The following CRISP1 variants were observed in gnomAD, a reference collection of about 807,000 sequenced individuals.
CRISP1 encodes cysteine-rich secretory protein 1.
Under a neutral mutation model 33.1 loss-of-function variants are expected in CRISP1, and 44 were observed. The observed-to-expected ratio is 1.33, with a 90% CI of 1.05 to 1.71. The LOEUF is 1.71. Among genes scored for constraint, CRISP1 ranks in the 40% most tolerant of loss-of-function variants. The pLI is 0.00. For synonymous variants in CRISP1, 103 were observed against 98.7 expected (o/e 1.04, Z -0.26); for missense variants, 390 against 301.2 (o/e 1.29, Z -2.18).
chr6:49,852,130 C>T lies in CRISP1; in HGVS notation c.67-1G>A, dbSNP rs1163196662. ...TAAATTGGTCTCTAGCTGATTTCTT[C>T]TGTTACCAGAAAAATATTAATTAGT... On this transcript the variant is annotated splice_acceptor_variant, in intron 2 of 7. Transcript: ENST00000335847. LOFTEE classifies it high-confidence loss of function. 1.9e-6 allele frequency: 3 copies of T among 1,607,430 alleles called. No homozygotes were observed. Among genetic ancestry groups the T allele is most frequent in the Non-Finnish European group, 2.5e-6 (3 of 1,178,094 alleles).
At chr6:49,842,559 G>A (rs1036283975) in intron 5 of CRISP1, among the ~76,000 whole-genome samples, 11 of 152,176 alleles carry the variant, frequency 7.2e-5, no homozygotes, top group African/African-American at 9.6e-5. Flanking sequence ...AGAAAATGTC[G>A]GAAAATGTCT....
chr6:49,872,956 A>G (rs1771959976), intron 1 of CRISP1, among the ~76,000 whole-genome samples: 1 of 152,154 alleles, frequency 6.6e-6, no homozygotes, highest in East Asian at 1.9e-4. Context: ...TGGTAGCTTG[A>G]TGGGGATGGC....
chr6:49,860,490 A>G (rs1084053), intron 1 of CRISP1, among the ~76,000 whole-genome samples: 151,603 of 152,248 alleles, frequency 1, 75,486 homozygotes, highest in Middle Eastern at 1. Context: ...TAAAAAATGT[A>G]GAACTTAAAC....
chr6:49,859,847 T>C (rs1292068131), intron 1 of CRISP1, among the ~76,000 whole-genome samples: 1 of 152,120 alleles, frequency 6.6e-6, no homozygotes, highest in Non-Finnish European at 1.5e-5. Flanking sequence ...ATGACCCAAC[T>C]GTATTCTGTC....
At position 49,854,237 on chromosome 6, in the gene CRISP1, T is replaced by C. The variant is rs558558857; in HGVS notation, c.67-2108A>G. Among the ~76,000 whole-genome samples, 15 of 152,310 alleles carry C rather than the reference T, an allele frequency of 9.8e-5. 2 individuals carry two copies. The South Asian group carries it at 2.5e-3, about 25-fold the overall frequency. ...TTCTAATCTTTCTAAGGCTCAATTC[T>C]CCAACAGTGTTATTTAGTCCATTCT... On this transcript the variant is annotated intron_variant, in intron 2 of 7. Coordinates refer to ENST00000335847, the MANE Select transcript of CRISP1 (RefSeq NM_001131.3).
intron 1 of CRISP1, among the ~76,000 whole-genome samples, chr6:49,858,485 A>G (rs558014815): frequency 1.3e-5 from 2 of 152,294 alleles, no homozygotes; most frequent in South Asian, 4.1e-4. Context: ...TTTTCACCCA[A>G]TGATGTAGTT....
At chr6:49,857,434 T>C in intron 1 of CRISP1, 32 bp from the exon 2 acceptor site, 1 of 1,577,588 alleles carries the variant, frequency 6.3e-7, no homozygotes, top group Non-Finnish European at 8.7e-7. Flanking sequence ...TTTAGATTAT[T>C]CTCAATTCAT....
chr6:49,835,505 G>A, intron 7 of CRISP1, 62 bp from the exon 8 acceptor site: 6 of 1,530,972 alleles, frequency 3.9e-6, no homozygotes, highest in Non-Finnish European at 5.3e-6. Flanking sequence ...GCTGAGGAAA[G>A]AGACCATCTT....
chr6:49,842,575 A>G (rs1038209072), intron 5 of CRISP1, among the ~76,000 whole-genome samples: 1 of 152,192 alleles, frequency 6.6e-6, no homozygotes, highest in Non-Finnish European at 1.5e-5. Context: ...TGTCTGGAAA[A>G]GCCTTGTGGT....
At chr6:49,870,262 C>T (rs10456628), upstream of CRISP1, among the ~76,000 whole-genome samples, 56 of 151,968 alleles carry the variant, frequency 3.7e-4, no homozygotes, top group Non-Finnish European at 7.2e-4. Flanking sequence ...AGCTAGGATG[C>T]CAACACAAAA....
At chr6:49,876,715 C>G (rs768583880) in intron 1 of CRISP1, among the ~76,000 whole-genome samples, 2 of 151,798 alleles carry the variant, frequency 1.3e-5, no homozygotes, top group Non-Finnish European at 2.9e-5. Flanking sequence ...TAAAGAAGAA[C>G]ACGATTATGT....
intron 7 of CRISP1, 125 bp downstream of exon 7, chr6:49,838,312 A>T: frequency 1.4e-6 from 1 of 716,878 alleles, no homozygotes; most frequent in Non-Finnish European, 2.3e-6. Context: ...AAGCAGAAAT[A>T]ATTTGTACAT....
Position 49,834,304 on chromosome 6 carries a change from C to T in CRISP1, c.*1012G>A, listed in dbSNP as rs1157213163. On this transcript the variant is annotated 3_prime_UTR_variant, in exon 8 of 8. Transcript: ENST00000335847. ...TTATTGAAATGAGTAAAGAAATATA[C>T]AAGTAGGTAGAACTGGGTATAACTT... The T allele has an allele frequency of 6.7e-6, 1 of 148,752 alleles. No homozygotes were observed. Among genetic ancestry groups the T allele is most frequent in the African/African-American group, 2.5e-5 (1 of 40,330 alleles). The allele number at this position is 148,752 out of a possible 1,614,324, so 9.2% of individuals were successfully genotyped here.
chr6:49,868,081 G>A (rs1001166100), upstream of CRISP1, among the ~76,000 whole-genome samples: 1 of 152,038 alleles, frequency 6.6e-6, no homozygotes, highest in African/African-American at 2.4e-5. Context: ...GGCAATTCCT[G>A]GCATTGCTCT....
At chr6:49,845,938 C>A (rs1771151855) in intron 5 of CRISP1, among the ~76,000 whole-genome samples, 3 of 151,972 alleles carry the variant, frequency 2.0e-5, no homozygotes, top group Non-Finnish European at 4.4e-5. Flanking sequence ...TAGTGAAATT[C>A]ACAGAGACAG....
chr6:49,846,435 A>C (rs1310036791), intron 5 of CRISP1, 85 bp downstream of exon 5: 19 of 1,370,394 alleles, frequency 1.4e-5, no homozygotes, highest in Non-Finnish European at 1.7e-5. Context: ...AGAAGGTAGA[A>C]TGATTTTCAG....
chr6:49,848,273 A>G lies in CRISP1; in HGVS notation c.222T>C (p.Asn74=). ...KMSWSEEAAQ[N]ARIFSKYCDM... is the part of the protein sequence containing the mutation. Reference sequence around the variant, plus strand: ...CACAATACTTTGAAAAAATTCTGGCATTTTGTGCAGCCTCTTCACTCCAAC... The same window carrying G: ...CACAATACTTTGAAAAAATTCTGGCGTTTTGTGCAGCCTCTTCACTCCAAC... The change falls in exon 4 of 8, where the codon AAT becomes AAC. Residue 74 remains asparagine, a synonymous_variant. Coordinates refer to ENST00000335847, the MANE Select transcript of CRISP1 (RefSeq NM_001131.3). 1.2e-6 allele frequency: 2 copies of G among 1,607,252 alleles called. No homozygotes were observed. Among genetic ancestry groups the G allele is most frequent in the African/African-American group, 2.7e-5 (2 of 74,468 alleles).
Position 49,852,453 on chromosome 6 carries a change from A to G in CRISP1, c.67-324T>C, listed in dbSNP as rs1032934460. ...AAGATCCACAAAGGGAGATATCTTA[A>G]AATCACACCTGTTACTTACTTCTCT... On this transcript the variant is annotated intron_variant, in intron 2 of 7. Transcript: ENST00000335847. Among the ~76,000 whole-genome samples the G allele has an allele frequency of 2.0e-5, 3 of 152,100 alleles. No homozygotes were observed. The East Asian group carries it at 5.8e-4, about 29-fold the overall frequency.
chr6:49,841,229 G>T (rs1373234111), intron 5 of CRISP1, among the ~76,000 whole-genome samples: 2 of 152,146 alleles, frequency 1.3e-5, no homozygotes, highest in Non-Finnish European at 1.5e-5. Context: ...TCAGCTGACG[G>T]GGAGGATGAC....
Sources: gnomAD v4.1 joint callset for allele counts (sites outside exome capture counted in the v4.1 genomes callset) on GRCh38, gnomAD v4.1.1 for gene constraint, MANE v1.5 for transcripts, NCBI Gene and HGNC (gene_info 2026-07-23, HGNC 2026-07-21) for gene names.